Variants in DST observed in about 807,000 individuals in gnomAD.
DST encodes the protein bullous pemphigoid antigen.
DST carries 253 observed loss-of-function variants against 875.2 expected under a neutral mutation model. The observed-to-expected ratio is 0.29, with a 90% CI of 0.26 to 0.32. DST has a LOEUF of 0.32. Among genes scored for constraint, DST ranks in the 10% least tolerant of loss-of-function variants. DST has a pLI of 1.00. For synonymous variants in DST, 3,124 were observed against 3,197.1 expected (o/e 0.98, Z 0.77); for missense variants, 8,287 against 9,111.6 (o/e 0.91, Z 3.68).
At chr6:56,635,760 C>T (rs1301961181) in intron 23 of DST, 46 bp from the exon 24 acceptor site, 1 of 1,605,238 alleles carries the variant, frequency 6.2e-7, no homozygotes, top group Non-Finnish European at 8.5e-7. Context: ...TAAATACCAG[C>T]AAAGCACACA....
chr6:56,531,060 ACATT>A (rs2096888650), intron 64 of DST, among the ~76,000 whole-genome samples: 1 of 152,230 alleles, frequency 6.6e-6, no homozygotes. Context: ...CAATGCACAC[ACATT>A]TTTAAAAACT....
chr6:56,706,754 C>T (rs1034621680), intron 5 of DST, among the ~76,000 whole-genome samples: 7 of 152,150 alleles, frequency 4.6e-5, no homozygotes, highest in Non-Finnish European at 1.0e-4. Flanking sequence ...TAATCCCCAG[C>T]ACTTTGGAGG....
intron 4 of DST, among the ~76,000 whole-genome samples, chr6:56,761,938 TCCAAAACC>T (rs909803698): frequency 6.6e-6 from 1 of 152,230 alleles, no homozygotes; most frequent in African/African-American, 2.4e-5. Context: ...TAGCTGAGTA[TCCAAAACC>T]CCAAAAGCAA....
intron 4 of DST, among the ~76,000 whole-genome samples, chr6:56,790,080 G>T (rs1031450353): frequency 4.0e-5 from 6 of 151,860 alleles, no homozygotes; most frequent in South Asian, 2.1e-4. Context: ...CTGCTCCCAG[G>T]TTTTCAGGTC....
At position 56,600,077 on chromosome 6, in the gene DST, T is replaced by C. The variant is rs1321358054; in HGVS notation, c.11686A>G (p.Lys3896Glu). 8 of 1,612,020 alleles carry C rather than the reference T, an allele frequency of 5.0e-6. No individual in the cohort carries two copies. Among genetic ancestry groups the C allele is most frequent in the African/African-American group, 1.3e-5 (1 of 74,848 alleles). The change falls in exon 45 of 104, where the codon AAG (lysine) becomes GAG (glutamate). Residue 3896 changes from lysine to glutamate, a missense_variant. Around this residue, in one of 10 missense-constraint regions of DST, gnomAD observed 3,138 missense variants for 3,116.6 expected, o/e 1.01. Coordinates refer to ENST00000680361, the MANE Select transcript of DST (RefSeq NM_001374736.1). Reference protein sequence around the residue: ...GTVELKKYQSKQEELQKDMQG... With the variant: ...GTVELKKYQSEQEELQKDMQG... ...AGAAAACCAAATTCTACCTCTTGCTTGGACTGATATTTCTTTAACTCAACT... is the reference window on the plus strand; with the variant it reads ...AGAAAACCAAATTCTACCTCTTGCTCGGACTGATATTTCTTTAACTCAACT...
rs2098216101 is a variant in DST, at chr6:56,588,895, G to A, written c.12903+3287C>T. The stretch of plus-strand genomic sequence containing the variant: ...AATCCTCATCAGAGTGGATCTGTTT[G>A]AAAAATTCTCCTAGCAGTTTAATTA... On this transcript the variant is annotated intron_variant, in intron 49 of 103. Transcript: ENST00000680361. Among the ~76,000 whole-genome samples the A allele has an allele frequency of 3.3e-5, 5 of 152,006 alleles. No individual in the cohort carries two copies. In the South Asian group the frequency reaches 8.3e-4, roughly 25 times the overall value.
chr6:56,887,833 T>C (rs1785329349), intron 3 of DST, among the ~76,000 whole-genome samples: 1 of 152,198 alleles, frequency 6.6e-6, no homozygotes, highest in Admixed American at 6.5e-5. Flanking sequence ...GAGTTGTTTA[T>C]AGAGACTAAA....
At chr6:56,654,604 A>C (rs1250509985) in intron 10 of DST, among the ~76,000 whole-genome samples, 2 of 150,314 alleles carry the variant, frequency 1.3e-5, no homozygotes, top group African/African-American at 2.5e-5. Flanking sequence ...ATATATATAT[A>C]TCTCCACACG....
intron 36 of DST, chr6:56,617,179 C>A (rs748906036): frequency 1.4e-5 from 23 of 1,601,340 alleles, no homozygotes; most frequent in Non-Finnish European, 1.9e-5. Flanking sequence ...GCCTGGCAGT[C>A]ACAGTGTGCC....
At chr6:56,483,711 T>G (rs2095476036) in intron 88 of DST, 1 of 151,940 alleles carries the variant, frequency 6.6e-6, no homozygotes, top group East Asian at 1.9e-4. Context: ...CAACATTCTG[T>G]CACAATAAAA....
At chr6:56,502,819 A>T (rs1294785427) in intron 78 of DST, among the ~76,000 whole-genome samples, 1 of 152,110 alleles carries the variant, frequency 6.6e-6, no homozygotes, top group Non-Finnish European at 1.5e-5. Flanking sequence ...TAGATATGAA[A>T]ATGCTACAAT....
chr6:56,476,249 A>G lies in DST; in HGVS notation c.21764T>C (p.Leu7255Pro). 6.2e-7 allele frequency: 1 copy of G among 1,611,338 alleles called. No individual in the cohort carries two copies. Among genetic ancestry groups the G allele is most frequent in the Non-Finnish European group, 8.5e-7 (1 of 1,178,596 alleles). Reference protein sequence around the residue: ...IAKQELLEALLAWLQWAETTL... With the variant: ...IAKQELLEALPAWLQWAETTL... ...AGTTTCAGCCCATTGCAACCAAGCC[A>G]GCAAAGCTTCCAACAATTCCTGTTT... The change falls in exon 92 of 104, where the codon CTG (leucine) becomes CCG (proline). Residue 7255 changes from leucine (L) to proline (P), a missense_variant. Around this residue, in one of 10 missense-constraint regions of DST, gnomAD observed 1,292 missense variants for 1,552.7 expected, o/e 0.83. Coordinates refer to ENST00000680361, the MANE Select transcript of DST (RefSeq NM_001374736.1).
At chr6:56,800,817 G>A (rs1590736358) in intron 4 of DST, among the ~76,000 whole-genome samples, 1 of 151,902 alleles carries the variant, frequency 6.6e-6, no homozygotes. Flanking sequence ...CCAGGAGTTC[G>A]AGACCAGCCT....
intron 37 of DST, among the ~76,000 whole-genome samples, chr6:56,612,164 C>T (rs1258868175): frequency 1.3e-5 from 2 of 152,050 alleles, no homozygotes; most frequent in Non-Finnish European, 2.9e-5. Flanking sequence ...TGAGCTCAGG[C>T]GTTTGAGACC....
chr6:56,843,186 C>A, intron 4 of DST: 1 of 1,515,044 alleles, frequency 6.6e-7, no homozygotes, highest in Non-Finnish European at 8.9e-7. Flanking sequence ...ATTCCCCTCT[C>A]CCCCTCGTAA....
At chr6:56,945,159 A>T (rs1380343220) in intron 2 of DST, among the ~76,000 whole-genome samples, 1 of 152,226 alleles carries the variant, frequency 6.6e-6, no homozygotes, top group East Asian at 1.9e-4. Flanking sequence ...TATTACTTAA[A>T]TCTGAATGTC....
chr6:56,920,424 T>C (rs1034535550), intron 2 of DST, among the ~76,000 whole-genome samples: 21 of 152,190 alleles, frequency 1.4e-4, no homozygotes, highest in Non-Finnish European at 2.9e-4. Context: ...CATGAAAGGC[T>C]GGGAAATGAA....
At chr6:56,873,504 A>G (rs923998888) in intron 3 of DST, among the ~76,000 whole-genome samples, 1 of 152,194 alleles carries the variant, frequency 6.6e-6, no homozygotes, top group African/African-American at 2.4e-5. Context: ...TGAGATATAT[A>G]TATATACACA....
intron 48 of DST, 138 bp from the exon 49 acceptor site, chr6:56,592,496 G>A: frequency 1.3e-6 from 1 of 751,328 alleles, no homozygotes; most frequent in Non-Finnish European, 2.1e-6. Context: ...ACTCTGTTGG[G>A]CTAAGATTTC....
Sources: gnomAD v4.1 joint callset for allele counts (sites outside exome capture counted in the v4.1 genomes callset) on GRCh38, gnomAD v4.1.1 for gene constraint, gnomAD v4.1.1 regional missense constraint, MANE v1.5 for transcripts, NCBI Gene and HGNC (gene_info 2026-07-23, HGNC 2026-07-21) for gene names.